RNF43: variants seen among roughly 807,000 people sequenced by gnomAD.
The protein encoded by RNF43 is ring finger protein 43, also known as E3 ubiquitin-protein ligase RNF43.
In RNF43, 37 loss-of-function variants were observed where a neutral mutation model predicts 78.4. The ratio of observed to expected loss-of-function variants is 0.47; its 90% CI spans 0.36 to 0.62. The LOEUF (loss-of-function observed/expected upper bound fraction) is 0.62, where lower values mean the gene tolerates loss of function less well. Ranked by LOEUF, RNF43 falls within the 20% of genes least tolerant of loss-of-function variation. The pLI, the probability that RNF43 is intolerant of heterozygous loss-of-function variation, is 0.00. For missense variants in RNF43, 774 were observed against 1,007.9 expected, an observed-to-expected ratio of 0.77 and a Z score of 3.14; for synonymous variants, 347 against 395.0, an observed-to-expected ratio of 0.88 and a Z score of 1.44.
At position 58,354,792 on chromosome 17, in the gene RNF43, A is replaced by G. The variant is rs1972649919; in HGVS notation, c.*151T>C. 1.4e-6 allele frequency: 1 copy of G among 728,644 alleles called. No individual in the cohort carries two copies. Among genetic ancestry groups the G allele is most frequent in the Admixed American group, 2.1e-5 (1 of 48,048 alleles). 45.1% of individuals were successfully genotyped at this position (728,644 alleles called of 1,614,324 possible). The stretch of plus-strand genomic sequence containing the variant: ...AAACGGCACCCTCTCACCCTCCACC[A>G]TCACCAGTCCTCTTCCAGTGCTTCT... On this transcript the variant is annotated 3_prime_UTR_variant, in exon 10 of 10. Coordinates refer to ENST00000407977, the MANE Select transcript of RNF43 (RefSeq NM_017763.6).
At chr17:58,403,025 C>T (rs1194228380) in intron 2 of RNF43, among the ~76,000 whole-genome samples, 1 of 151,964 alleles carries the variant, frequency 6.6e-6, no homozygotes, top group Non-Finnish European at 1.5e-5. Flanking sequence ...GTTGTTGTTT[C>T]GAGTTTATTA....
intron 2 of RNF43, among the ~76,000 whole-genome samples, chr17:58,392,132 C>T (rs73317730): frequency 0.024 from 3,700 of 152,192 alleles, 172 homozygotes; most frequent in African/African-American, 0.085. Context: ...TTTCCCCCCA[C>T]GGGATATGCA....
rs1489693521 is a variant in RNF43 at position 58,354,920 on chromosome 17, G to A, written c.*23C>T. On this transcript the variant is annotated 3_prime_UTR_variant, in exon 10 of 10. Coordinates refer to ENST00000407977, the MANE Select transcript of RNF43 (RefSeq NM_017763.6). Reference sequence around the variant, plus strand: ...CCAAACACATCTGGAGCACACTCTTGGTTGGAGCTAGGCCTGAACATCTCA... The same window carrying A: ...CCAAACACATCTGGAGCACACTCTTAGTTGGAGCTAGGCCTGAACATCTCA... 6.2e-7 allele frequency: 1 copy of A among 1,612,132 alleles called. No individual in the cohort carries two copies.
chr17:58,378,712 C>T (rs1185027501), intron 2 of RNF43, among the ~76,000 whole-genome samples: 3 of 152,124 alleles, frequency 2.0e-5, no homozygotes, highest in African/African-American at 4.8e-5. Context: ...CATGATTTCT[C>T]ACTTGATTCA....
chr17:58,393,537 TCAACAGTAGG>T (rs1260661191), intron 2 of RNF43, among the ~76,000 whole-genome samples: 1 of 152,238 alleles, frequency 6.6e-6, no homozygotes, highest in Non-Finnish European at 1.5e-5. Flanking sequence ...AGGATTCTAG[TCAACAGTAGG>T]CTAGGTTTTG....
At chr17:58,368,457 G>A (rs1355614105) in intron 3 of RNF43, among the ~76,000 whole-genome samples, 1 of 152,068 alleles carries the variant, frequency 6.6e-6, no homozygotes, top group Non-Finnish European at 1.5e-5. Flanking sequence ...CTGAGGTAGA[G>A]AATTGCTTGA....
At chr17:58,400,616 G>A (rs904011768) in intron 2 of RNF43, among the ~76,000 whole-genome samples, 5 of 152,056 alleles carry the variant, frequency 3.3e-5, no homozygotes, top group Admixed American at 6.6e-5. Context: ...TTTTCTTTAC[G>A]TCATAAAGCT....
At chr17:58,364,428 T>C (rs1235553866) in intron 3 of RNF43, among the ~76,000 whole-genome samples, 2 of 152,088 alleles carry the variant, frequency 1.3e-5, no homozygotes, top group South Asian at 4.1e-4. Flanking sequence ...GCAGAACAGA[T>C]AGCAGTGCCA....
rs751001722 is a variant in RNF43 at position 58,357,975 on chromosome 17, A to G, written c.1801T>C (p.Ser601Pro). The G allele has an allele frequency of 3.1e-6, 5 of 1,609,640 alleles. No homozygotes were observed. Among genetic ancestry groups the G allele is most frequent in the Non-Finnish European group, 4.2e-6 (5 of 1,178,114 alleles). ...PPSPDQQVTR[S>P]NSAAPSGRLS... ...CGCCCCGAAGGGGCTGCTGAGTTGGATCTGGTGACTTGCTGATCAGGAGAA... is the reference window on the plus strand; with the variant it reads ...CGCCCCGAAGGGGCTGCTGAGTTGGGTCTGGTGACTTGCTGATCAGGAGAA... Residue 601 changes from serine to proline, a missense_variant, in exon 9 of 10, where the codon TCC (serine) becomes CCC (proline). Physicochemically the swap from Ser to Pro is moderately conservative, Grantham distance 74. Coordinates refer to ENST00000407977, the MANE Select transcript of RNF43 (RefSeq NM_017763.6). This position sits in a 1 kb window ranked among gnomAD's most constrained non-coding sequence, Gnocchi z 4.5.
chr17:58,400,569 T>C (rs921222330), intron 2 of RNF43, among the ~76,000 whole-genome samples: 8 of 152,328 alleles, frequency 5.3e-5, no homozygotes, highest in African/African-American at 1.9e-4. Flanking sequence ...ATTCCCATTT[T>C]ACTCAGGAAG....
chr17:58,374,533 C>T (rs1362621782), intron 2 of RNF43, among the ~76,000 whole-genome samples: 1 of 152,016 alleles, frequency 6.6e-6, no homozygotes, highest in Admixed American at 6.5e-5. Context: ...GCTGGGACTA[C>T]AGGCGCCCGC....
At position 58,354,647 on chromosome 17, in the gene RNF43, A is replaced by G; in HGVS notation, c.*296T>C. 2.1e-6 allele frequency: 1 copy of G among 472,656 alleles called. No individual in the cohort carries two copies. 29.3% of individuals were successfully genotyped at this position (472,656 alleles called of 1,614,324 possible). The stretch of plus-strand genomic sequence containing the variant: ...CCATAGCTAGCTTTCTGCCCTCAAA[A>G]ACTCAGCCTTCAAGGGATCCAGCCC... On this transcript the variant is annotated 3_prime_UTR_variant, in exon 10 of 10. Coordinates refer to ENST00000407977, the MANE Select transcript of RNF43 (RefSeq NM_017763.6).
chr17:58,397,463 C>T (rs1380048456), intron 2 of RNF43, among the ~76,000 whole-genome samples: 2 of 152,044 alleles, frequency 1.3e-5, no homozygotes, highest in African/African-American at 4.8e-5. Flanking sequence ...GAGTTCCAGA[C>T]CAGCCAGGCC....
intron 2 of RNF43, among the ~76,000 whole-genome samples, chr17:58,399,842 A>G (rs1000004714): frequency 1.3e-5 from 2 of 152,076 alleles, no homozygotes; most frequent in Admixed American, 6.6e-5. Context: ...GGGTTTCACC[A>G]TGCTGTTCAG....
rs771075306 is a variant in RNF43 at position 58,360,902 on chromosome 17, C to A, written c.730G>T (p.Ala244Ser). The part of the protein sequence containing the change: ...QRTAWAISQL[A>S]TRRYQASCRQ... ...CAGCTGGCCTGGTACCTCCTGGTGG[C>A]CAGCTGGCTGATGGCCCAGGCTGTT... The change falls in exon 7 of 10, where the codon GCC becomes TCC. Residue 244 changes from alanine to serine, a missense_variant. Physicochemically the swap from Ala to Ser is moderately conservative, Grantham distance 99. Transcript: ENST00000407977. This position sits in a 1 kb window ranked among gnomAD's most constrained non-coding sequence, Gnocchi z 4.3. 1 of 1,606,492 alleles carries A rather than the reference C, an allele frequency of 6.2e-7. No homozygotes were observed. The highest frequency in any genetic ancestry group is 8.5e-7 in the Non-Finnish European group (1 of 1,175,576).
At chr17:58,409,595 A>G (rs1026086695) in intron 2 of RNF43, among the ~76,000 whole-genome samples, 7 of 152,056 alleles carry the variant, frequency 4.6e-5, no homozygotes, top group African/African-American at 7.2e-5. Flanking sequence ...CTGGTCTCCA[A>G]CTCCTGGGCT....
intron 3 of RNF43, among the ~76,000 whole-genome samples, chr17:58,368,744 A>G (rs1973009883): frequency 1.3e-5 from 2 of 151,998 alleles, no homozygotes; most frequent in Admixed American, 6.6e-5. Context: ...AGAAAAACAG[A>G]TGTTCTACCA....
chr17:58,371,037 CAG>C lies in RNF43; in HGVS notation c.253-6_253-5del, dbSNP rs773679236. ...TGCACAGGTACAGCGGGTGGGACTG[CAG>C]AGAGAGACAGACTTGGGTTAGGGAG... On this transcript the variant is annotated splice_polypyrimidine_tract_variant and splice_region_variant and intron_variant, in intron 2 of 9. Transcript: ENST00000407977. 5.7e-6 allele frequency: 9 copies of C among 1,570,048 alleles called. No homozygotes were observed. Among genetic ancestry groups the C allele is most frequent in the South Asian group, 1.2e-5 (1 of 83,898 alleles).
chr17:58,354,244 T>C lies in RNF43; in HGVS notation c.*699A>G. On this transcript the variant is annotated 3_prime_UTR_variant, in exon 10 of 10. Transcript: ENST00000407977. ...CTCTGGGACTCTGAGACAGGAAATC[T>C]TCAAGGAGGAGTTTTTCCCTCCCCA... 4.9e-6 allele frequency: 1 copy of C among 202,286 alleles called. No individual in the cohort carries two copies. Among genetic ancestry groups the C allele is most frequent in the Non-Finnish European group, 1.0e-5 (1 of 98,534 alleles). The allele number at this position is 202,286 out of a possible 1,614,324, so 12.5% of individuals were successfully genotyped here.
Sources: gnomAD v4.1 joint callset for allele counts (sites outside exome capture counted in the v4.1 genomes callset) on GRCh38, gnomAD v4.1.1 for gene constraint, Gnocchi (gnomAD v3.1) non-coding constraint, MANE v1.5 for transcripts, NCBI Gene and HGNC (gene_info 2026-07-23, HGNC 2026-07-21) for gene names.